KCNIP4: variants seen among roughly 807,000 people sequenced by gnomAD.
KCNIP4 encodes the protein potassium voltage-gated channel interacting protein 4.
A neutral mutation model predicts 34.0 loss-of-function variants in KCNIP4; 12 were observed. The observed-to-expected ratio is 0.35, with a 90% CI of 0.23 to 0.57. The LOEUF (loss-of-function observed/expected upper bound fraction) is 0.57. Ranked by LOEUF, KCNIP4 falls within the 20% of genes least tolerant of loss-of-function variation. The probability of loss-of-function intolerance (pLI) is 0.83; values close to 1 mark genes in which losing one functional copy is unlikely to be tolerated. For missense variants in KCNIP4, 238 were observed against 311.7 expected, an observed-to-expected ratio of 0.76 and a Z score of 1.78; for synonymous variants, 124 against 102.2, an observed-to-expected ratio of 1.21 and a Z score of -1.29.
intron 5 of KCNIP4, among the ~76,000 whole-genome samples, chr4:20,748,183 T>C (rs1439064185): frequency 6.6e-6 from 1 of 152,148 alleles, no homozygotes; most frequent in Non-Finnish European, 1.5e-5. Context: ...GCCTAAGACA[T>C]GTCAACTTCT....
rs191023933 is a variant in KCNIP4 at position 21,470,149 on chromosome 4, G to A, written c.61+478422C>T. 4.6e-5 allele frequency among the ~76,000 whole-genome samples: 7 copies of A among 152,108 alleles called. No homozygotes were observed. The South Asian group carries it at 8.3e-4, about 18-fold the overall frequency. On this transcript the variant is annotated intron_variant, in intron 1 of 8. Coordinates refer to ENST00000382152, the MANE Select transcript of KCNIP4 (RefSeq NM_025221.6). ...ATGACAGAGCCAGGGCCTTGACATC[G>A]GGACAGATTATTAGAACGTGAAGGT... is the stretch of plus-strand genomic sequence containing the variant.
chr4:20,745,797 TCCTGACTCC>T (rs1039863700), intron 5 of KCNIP4, among the ~76,000 whole-genome samples: 3 of 152,168 alleles, frequency 2.0e-5, no homozygotes, highest in East Asian at 1.9e-4. Flanking sequence ...GGGACAATCC[TCCTGACTCC>T]CCTGACTCCC....
chr4:21,134,716 G>C (rs540460738), intron 1 of KCNIP4, among the ~76,000 whole-genome samples: 1 of 152,060 alleles, frequency 6.6e-6, no homozygotes, highest in Non-Finnish European at 1.5e-5. Context: ...CTTGTTTTCT[G>C]AAAATATACA....
chr4:21,734,984 T>C (rs1322170254), intron 1 of KCNIP4, among the ~76,000 whole-genome samples: 1 of 152,122 alleles, frequency 6.6e-6, no homozygotes, highest in African/African-American at 2.4e-5. Context: ...AAGTTTCTTA[T>C]TTCATGAAAA....
Position 21,153,838 on chromosome 4 carries a change from TG to T in KCNIP4, c.62-271130del, listed in dbSNP as rs544744723. ...GCCAAAGGTACAAAATCACACATCA[TG>T]AGTTCTTTCATCAGGTATATCCACT... On this transcript the variant is annotated intron_variant, in intron 1 of 8. Transcript: ENST00000382152. Among the ~76,000 whole-genome samples the T allele has an allele frequency of 2.0e-3, 300 of 152,230 alleles. 1 individual carries two copies. Among genetic ancestry groups the T allele is most frequent in the African/African-American group, 7.0e-3 (289 of 41,564 alleles).
At chr4:21,315,664 G>A (rs1240776464) in intron 1 of KCNIP4, among the ~76,000 whole-genome samples, 1 of 152,116 alleles carries the variant, frequency 6.6e-6, no homozygotes, top group African/African-American at 2.4e-5. Flanking sequence ...TTAGTACAAG[G>A]TGGGTGTTAT....
intron 1 of KCNIP4, among the ~76,000 whole-genome samples, chr4:21,386,059 T>C (rs1041866501): frequency 6.6e-6 from 1 of 152,198 alleles, no homozygotes; most frequent in Non-Finnish European, 1.5e-5. Flanking sequence ...TAATGGGTCG[T>C]ATAAATATGG....
intron 1 of KCNIP4, among the ~76,000 whole-genome samples, chr4:21,465,236 C>T (rs942014366): frequency 1.3e-4 from 20 of 152,138 alleles, no homozygotes; most frequent in African/African-American, 4.6e-4. Context: ...TAAACATACA[C>T]TTGATTCTAC....
chr4:21,015,797 A>C (rs1406585290), intron 1 of KCNIP4, among the ~76,000 whole-genome samples: 1 of 137,220 alleles, frequency 7.3e-6, no homozygotes, highest in African/African-American at 2.7e-5. Context: ...AAATATATAT[A>C]AATATATACT....
At chr4:20,851,196 C>G (rs147550584) in intron 2 of KCNIP4, among the ~76,000 whole-genome samples, 1 of 152,228 alleles carries the variant, frequency 6.6e-6, no homozygotes, top group East Asian at 1.9e-4. Flanking sequence ...TCTCCCTCCC[C>G]CAACAGGTGC....
intron 1 of KCNIP4, among the ~76,000 whole-genome samples, chr4:21,125,270 T>A (rs576562205): frequency 6.8e-6 from 1 of 147,046 alleles, no homozygotes; most frequent in East Asian, 2.0e-4. Context: ...TAGGCTGGAG[T>A]GCAATGGTGC....
intron 1 of KCNIP4, among the ~76,000 whole-genome samples, chr4:21,243,026 A>G (rs1759968912): frequency 6.6e-6 from 1 of 152,116 alleles, no homozygotes; most frequent in African/African-American, 2.4e-5. Context: ...CAGAATATCT[A>G]GCACATATTA....
chr4:21,444,146 C>A (rs1487994171), intron 1 of KCNIP4, among the ~76,000 whole-genome samples: 6 of 151,890 alleles, frequency 4.0e-5, no homozygotes, highest in African/African-American at 1.2e-4. Flanking sequence ...GCTTACCAAC[C>A]AAAAAAAGTC....
chr4:20,960,486 T>C (rs1295462771), intron 1 of KCNIP4, among the ~76,000 whole-genome samples: 2 of 152,222 alleles, frequency 1.3e-5, no homozygotes, highest in African/African-American at 4.8e-5. Context: ...TGGCTCTTGT[T>C]CCTGCTCTGC....
At chr4:21,651,693 C>A (rs1747491834) in intron 1 of KCNIP4, among the ~76,000 whole-genome samples, 1 of 152,194 alleles carries the variant, frequency 6.6e-6, no homozygotes, top group Admixed American at 6.5e-5. Flanking sequence ...ATAACAGCAA[C>A]AAAACAAATA....
chr4:20,840,972 G>T (rs7672252), intron 3 of KCNIP4, among the ~76,000 whole-genome samples: 118,381 of 152,138 alleles, frequency 0.78, 46,213 homozygotes, highest in African/African-American at 0.83. Context: ...ACTCTTGCAA[G>T]GGAATCAAAG....
intron 1 of KCNIP4, among the ~76,000 whole-genome samples, chr4:21,738,455 C>A (rs1217320852): frequency 6.6e-6 from 1 of 152,158 alleles, no homozygotes; most frequent in East Asian, 1.9e-4. Flanking sequence ...AAAAATGAAT[C>A]TCAGTCTTCT....
intron 1 of KCNIP4, among the ~76,000 whole-genome samples, chr4:21,753,701 C>A (rs538635175): frequency 6.6e-6 from 1 of 152,280 alleles, no homozygotes; most frequent in East Asian, 1.9e-4. Flanking sequence ...GTCTTCGAAT[C>A]TCAAGCCATG....
chr4:21,757,211 GAAAGAAAGAAAGAA>G, intron 1 of KCNIP4, among the ~76,000 whole-genome samples: 1 of 17,906 alleles, frequency 5.6e-5, no homozygotes, highest in South Asian at 1.4e-3. Flanking sequence ...AAGAAAGAAA[GAAAGAAAGAAAGAA>G]AGAAAGAAAG....
Sources: allele counts gnomAD v4.1 joint callset (sites outside exome capture counted in the v4.1 genomes callset), GRCh38; gene constraint gnomAD v4.1.1; transcripts MANE v1.5; gene names NCBI Gene and HGNC (gene_info 2026-07-23, HGNC 2026-07-21).